PARP8: variants seen among roughly 807,000 people sequenced by gnomAD.
PARP8 encodes the protein protein mono-ADP-ribosyltransferase PARP8.
PARP8 carries 51 observed loss-of-function variants against 124.1 expected under a neutral mutation model. That is an observed-to-expected ratio of 0.41 (90% CI 0.33 to 0.52). PARP8 has a LOEUF of 0.52. Among genes scored for constraint, PARP8 ranks in the 20% least tolerant of loss-of-function variants. The pLI is 0.21. For missense variants in PARP8, 860 were observed against 1,018.9 expected (o/e 0.84, Z 2.12); for synonymous variants, 391 against 361.5 (o/e 1.08, Z -0.93).
intron 7 of PARP8, among the ~76,000 whole-genome samples, chr5:50,774,688 G>A (rs1430048727): frequency 7.2e-6 from 1 of 137,952 alleles, no homozygotes; most frequent in Non-Finnish European, 1.5e-5. Flanking sequence ...CCGGGCAGAG[G>A]CGCTCCTTAC....
intron 2 of PARP8, among the ~76,000 whole-genome samples, chr5:50,711,929 G>A (rs1223000112): frequency 6.6e-6 from 1 of 151,940 alleles, no homozygotes; most frequent in African/African-American, 2.4e-5. Context: ...TATTTATCTA[G>A]CATTACTGTG....
At chr5:50,838,623 C>T (rs1168622031) in intron 25 of PARP8, among the ~76,000 whole-genome samples, 1 of 152,048 alleles carries the variant, frequency 6.6e-6, no homozygotes, top group Non-Finnish European at 1.5e-5. Context: ...ATATTCATTT[C>T]CCTAAAGCAG....
chr5:50,805,586 A>T (rs757400393), intron 14 of PARP8, among the ~76,000 whole-genome samples: 1 of 152,104 alleles, frequency 6.6e-6, no homozygotes, highest in African/African-American at 2.4e-5. Flanking sequence ...ATTCTGTTAC[A>T]CTTTTTAAAA....
intron 3 of PARP8, among the ~76,000 whole-genome samples, chr5:50,754,790 A>G (rs1263010289): frequency 6.6e-6 from 1 of 152,232 alleles, no homozygotes; most frequent in African/African-American, 2.4e-5. Flanking sequence ...ACTAGTTTAC[A>G]GTCCCACCAA....
intron 15 of PARP8, among the ~76,000 whole-genome samples, chr5:50,819,003 G>A (rs1462847131): frequency 6.6e-6 from 1 of 152,142 alleles, no homozygotes; most frequent in African/African-American, 2.4e-5. Context: ...CTTTGCATCA[G>A]GTCAGCCCCT....
intron 3 of PARP8, among the ~76,000 whole-genome samples, chr5:50,752,138 A>G (rs1329292009): frequency 6.6e-6 from 1 of 152,104 alleles, no homozygotes; most frequent in Non-Finnish European, 1.5e-5. Context: ...AAAAATGAAT[A>G]TTAAATCTTT....
intron 14 of PARP8, among the ~76,000 whole-genome samples, chr5:50,802,993 C>A (rs2149667792): frequency 6.6e-6 from 1 of 152,246 alleles, no homozygotes; most frequent in East Asian, 1.9e-4. Flanking sequence ...TGTGGGAAAT[C>A]TCTGCAAATG....
chr5:50,845,046 A>C lies in PARP8; in HGVS notation c.*2978A>C, dbSNP rs1434217579. Reference sequence around the variant, plus strand: ...GTGCCACATTGTAAAAGTTACCGTTAAATACTATGTAGTATAAAAAACCAA... The same window carrying C: ...GTGCCACATTGTAAAAGTTACCGTTCAATACTATGTAGTATAAAAAACCAA... On this transcript the variant is annotated 3_prime_UTR_variant, in exon 26 of 26. Transcript: ENST00000281631. 1.3e-5 allele frequency: 2 copies of C among 151,460 alleles called. No individual in the cohort carries two copies. Among genetic ancestry groups the C allele is most frequent in the African/African-American group, 4.8e-5 (2 of 41,328 alleles). The allele number at this position is 151,460 out of a possible 1,614,324, so 9.4% of individuals were successfully genotyped here. A position where few individuals can be genotyped will look rare whatever the true frequency, so the allele number is the denominator to read the frequency against.
At chr5:50,813,564 C>G (rs1744727859) in intron 14 of PARP8, among the ~76,000 whole-genome samples, 1 of 152,068 alleles carries the variant, frequency 6.6e-6, no homozygotes, top group Admixed American at 6.6e-5. Context: ...TTCCTCTTTT[C>G]CTAATTGGAT....
At chr5:50,804,341 T>C (rs962537196) in intron 14 of PARP8, among the ~76,000 whole-genome samples, 3 of 152,192 alleles carry the variant, frequency 2.0e-5, no homozygotes, top group Admixed American at 1.3e-4. Context: ...ATCAGTTCCG[T>C]TCTGCTCCCT....
At chr5:50,716,915 A>G (rs952865395) in intron 2 of PARP8, among the ~76,000 whole-genome samples, 9 of 152,114 alleles carry the variant, frequency 5.9e-5, no homozygotes, top group Admixed American at 4.6e-4. Context: ...TATTCCATCC[A>G]TAAATTCATT....
At chr5:50,744,733 T>TA in intron 2 of PARP8, 1 of 700,656 alleles carries the variant, frequency 1.4e-6, no homozygotes. Context: ...TTTCTCTGAA[T>TA]AGGAATTCAG....
intron 2 of PARP8, among the ~76,000 whole-genome samples, chr5:50,747,934 G>A (rs1455993390): frequency 6.6e-6 from 1 of 151,164 alleles, no homozygotes; most frequent in Non-Finnish European, 1.5e-5. Flanking sequence ...CACCGCGCCC[G>A]GCTAATTTTT....
chr5:50,712,838 A>G (rs916006251), intron 2 of PARP8, among the ~76,000 whole-genome samples: 1 of 151,786 alleles, frequency 6.6e-6, no homozygotes, highest in African/African-American at 2.4e-5. Context: ...AGGAGGAACA[A>G]GGTTTTTTTT....
At chr5:50,707,471 A>C (rs1280995321) in intron 2 of PARP8, among the ~76,000 whole-genome samples, 1 of 152,096 alleles carries the variant, frequency 6.6e-6, no homozygotes, top group African/African-American at 2.4e-5. Context: ...TTTCTCAAAA[A>C]CAGTGGCAAA....
At chr5:50,688,903 A>G (rs1206744682) in intron 2 of PARP8, among the ~76,000 whole-genome samples, 3 of 152,200 alleles carry the variant, frequency 2.0e-5, no homozygotes, top group Non-Finnish European at 4.4e-5. Context: ...TACTCAGACA[A>G]GAAAATGATG....
intron 2 of PARP8, among the ~76,000 whole-genome samples, chr5:50,724,138 G>A (rs1007584012): frequency 5.3e-5 from 8 of 152,124 alleles, no homozygotes; most frequent in Admixed American, 3.9e-4. Flanking sequence ...AAAATGATGT[G>A]CCTATAAATA....
chr5:50,735,826 T>G (rs1757413493), intron 2 of PARP8, among the ~76,000 whole-genome samples: 1 of 151,172 alleles, frequency 6.6e-6, no homozygotes, highest in Non-Finnish European at 1.5e-5. Context: ...TAGGGCTTTA[T>G]AAAGGGGATT....
At chr5:50,815,398 A>G in intron 14 of PARP8, 34 bp from the exon 15 acceptor site, 1 of 1,492,154 alleles carries the variant, frequency 6.7e-7, no homozygotes. Flanking sequence ...GAGTTGGAAA[A>G]AAGTTTTGTG....
Sources: allele counts gnomAD v4.1 joint callset (sites outside exome capture counted in the v4.1 genomes callset), GRCh38; gene constraint gnomAD v4.1.1; transcripts MANE v1.5; gene names NCBI Gene and HGNC (gene_info 2026-07-23, HGNC 2026-07-21).